ORC3: variants seen among roughly 807,000 people sequenced by gnomAD.
The protein encoded by ORC3 is homolog of latheo, Drosophila.
A neutral mutation model predicts 100.7 loss-of-function variants in ORC3; 78 were observed. The ratio of observed to expected loss-of-function variants is 0.77; its 90% confidence interval spans 0.65 to 0.94. The LOEUF is 0.94. Ranked by LOEUF, ORC3 falls within the 40% of genes least tolerant of loss-of-function variation. The probability of loss-of-function intolerance (pLI) is 0.00; values close to 1 mark genes in which losing one functional copy is unlikely to be tolerated. For synonymous variants in ORC3, 295 were observed against 289.3 expected (o/e 1.02, Z -0.20); for missense variants, 789 against 823.9 (o/e 0.96, Z 0.52).
At chr6:87,612,672 C>T (rs1005130199) in intron 8 of ORC3, among the ~76,000 whole-genome samples, 6 of 152,076 alleles carry the variant, frequency 3.9e-5, no homozygotes, top group Admixed American at 1.3e-4. Flanking sequence ...AGTGCAGTGA[C>T]GAAATCTTGG....
intron 8 of ORC3, among the ~76,000 whole-genome samples, chr6:87,614,708 C>T (rs771146865): frequency 1.8e-4 from 28 of 152,164 alleles, no homozygotes; most frequent in Non-Finnish European, 2.9e-4. Context: ...GGCAAAATGC[C>T]GCCAGTCTCT....
At chr6:87,636,008 A>G (rs1767793429) in intron 12 of ORC3, among the ~76,000 whole-genome samples, 2 of 149,942 alleles carry the variant, frequency 1.3e-5, no homozygotes, top group South Asian at 4.3e-4. Flanking sequence ...GCAGTGGCGC[A>G]ATCTCGGCTC....
At chr6:87,640,859 G>A (rs1043989558) in intron 13 of ORC3, among the ~76,000 whole-genome samples, 1 of 152,148 alleles carries the variant, frequency 6.6e-6, no homozygotes, top group African/African-American at 2.4e-5. Flanking sequence ...CAACGCTTTG[G>A]GAGGCCAAGG....
At position 87,665,779 on chromosome 6, in the gene ORC3, C is replaced by A. The variant is rs1485717897; in HGVS notation, c.1976C>A (p.Ala659Asp). The change falls in exon 19 of 20, where the codon GCT becomes GAT. Residue 659 changes from alanine (A) to aspartate (D), a missense_variant. By Grantham distance (126) the Ala-to-Asp change is moderately radical (BLOSUM62 -2). Coordinates refer to ENST00000392844, the MANE Select transcript of ORC3 (RefSeq NM_012381.4). ...SEAFATVVTA[A>D]EKMDANSATS... ...GCTTTTGCAACAGTTGTGACAGCTG[C>A]TGAAAAAATGGATGCAAATTCTGCA... is the stretch of plus-strand genomic sequence containing the variant. The A allele has an allele frequency of 6.2e-7, 1 of 1,612,020 alleles. No individual in the cohort carries two copies. Among genetic ancestry groups the A allele is most frequent in the Non-Finnish European group, 8.5e-7 (1 of 1,178,516 alleles).
intron 13 of ORC3, among the ~76,000 whole-genome samples, chr6:87,637,474 CTT>C (rs143974120): frequency 6.6e-6 from 1 of 151,058 alleles, no homozygotes; most frequent in Non-Finnish European, 1.5e-5. Context: ...CTTTTTTCTT[CTT>C]TTTTTTTACC....
chr6:87,663,570 C>G (rs1386018266), intron 17 of ORC3, among the ~76,000 whole-genome samples: 1 of 152,220 alleles, frequency 6.6e-6, no homozygotes, highest in East Asian at 1.9e-4. Flanking sequence ...GGGACTTCAT[C>G]TTGGATTTTA....
intron 10 of ORC3, 112 bp from the exon 11 acceptor site, chr6:87,621,838 A>G: frequency 1.4e-6 from 1 of 716,654 alleles, no homozygotes; most frequent in Non-Finnish European, 2.4e-6. Context: ...TTTTGTGAAG[A>G]AATGAAAAAA....
At chr6:87,626,936 A>G (rs1165284164) in intron 11 of ORC3, among the ~76,000 whole-genome samples, 1 of 152,048 alleles carries the variant, frequency 6.6e-6, no homozygotes, top group Non-Finnish European at 1.5e-5. Flanking sequence ...CTTGTTATAT[A>G]TTTTTCACTC....
At position 87,606,089 on chromosome 6, in the gene ORC3, T is replaced by A. The variant is rs2307388; in HGVS notation, c.427+68T>A. ...GACTTCTTTCATCCTTTTCTCTCTTTTTCAGGCTTTCTTTATCCCTTTTTT... is the reference window on the plus strand; with the variant it reads ...GACTTCTTTCATCCTTTTCTCTCTTATTCAGGCTTTCTTTATCCCTTTTTT... On this transcript the variant is annotated intron_variant, in intron 5 of 19. Transcript: ENST00000392844. 3.4e-4 allele frequency: 313 copies of A among 907,636 alleles called. 1 individual carries two copies. The African/African-American group carries it at 4.1e-3, about 12-fold the overall frequency. The allele number at this position is 907,636 out of a possible 1,614,324, so 56.2% of individuals were successfully genotyped here.
At chr6:87,669,118 T>C (rs1485629483), downstream of ORC3, among the ~76,000 whole-genome samples, 1 of 152,166 alleles carries the variant, frequency 6.6e-6, no homozygotes, top group East Asian at 1.9e-4. Flanking sequence ...GATTACACCA[T>C]TGCACTCCAG....
intron 18 of ORC3, 32 bp downstream of exon 18, chr6:87,664,891 T>G (rs746943231): frequency 7.6e-7 from 1 of 1,315,744 alleles, no homozygotes. Context: ...AAGCTAGATA[T>G]TTTTCTAACC....
intron 11 of ORC3, among the ~76,000 whole-genome samples, chr6:87,625,331 A>G (rs34941612): frequency 0.032 from 4,816 of 152,212 alleles, 100 homozygotes; most frequent in Middle Eastern, 0.054. Flanking sequence ...AAGTGTTCCT[A>G]TTTCTCCACA....
rs1467852142 is a variant in ORC3 at position 87,603,488 on chromosome 6, A to T, written c.282A>T (p.Gln94His). ...FQKNSRDLGG[Q>H]IKLREIPTAA... ...AGAATTCAAGAGACTTGGGCGGTCA[A>T]ATAAAACTCAGAGAAATTCCAACTG... The change falls in exon 4 of 20, where the codon CAA becomes CAT. Residue 94 changes from glutamine (Q) to histidine (H), a missense_variant. Physicochemically the swap from Gln to His is conservative, Grantham distance 24. Transcript: ENST00000392844. The T allele has an allele frequency of 6.5e-7, 1 of 1,527,346 alleles. No individual in the cohort carries two copies. The highest frequency in any genetic ancestry group is 1.7e-5 in the Admixed American group (1 of 59,184). The allele number at this position is 1,527,346 out of a possible 1,614,324, so 94.6% of individuals were successfully genotyped here.
intron 18 of ORC3, among the ~76,000 whole-genome samples, chr6:87,665,131 A>T (rs958586960): frequency 6.6e-6 from 1 of 152,220 alleles, no homozygotes; most frequent in Admixed American, 6.5e-5. Context: ...TATGTGATCT[A>T]ACCCAATAGT....
At chr6:87,675,512 A>T in the ORC3 span, 2 of 1,541,924 alleles carry the variant, frequency 1.3e-6, no homozygotes, top group African/African-American at 1.4e-5. Flanking sequence ...CAGAAGGGGT[A>T]TTGGCATTGC....
At chr6:87,606,965 TA>T (rs1423803423) in intron 5 of ORC3, among the ~76,000 whole-genome samples, 1 of 152,218 alleles carries the variant, frequency 6.6e-6, no homozygotes, top group African/African-American at 2.4e-5. Flanking sequence ...AAGGCATCTT[TA>T]AAAATGGCTA....
chr6:87,610,881 A>G (rs1007598264), intron 7 of ORC3, among the ~76,000 whole-genome samples: 4 of 148,834 alleles, frequency 2.7e-5, no homozygotes, highest in Non-Finnish European at 5.9e-5. Flanking sequence ...TTCTACTTTG[A>G]TAGGATCTTT....
At chr6:87,652,293 TAATA>T (rs922597804) in intron 13 of ORC3, among the ~76,000 whole-genome samples, 3 of 152,242 alleles carry the variant, frequency 2.0e-5, no homozygotes, top group Non-Finnish European at 4.4e-5. Context: ...TAAAAATTCC[TAATA>T]TTGGTCTGAT....
chr6:87,645,500 AT>A (rs1413667256), intron 13 of ORC3, among the ~76,000 whole-genome samples: 2 of 151,916 alleles, frequency 1.3e-5, no homozygotes, highest in Non-Finnish European at 2.9e-5. Flanking sequence ...GCTTTTTATT[AT>A]TTTTACATGC....
Sources: gnomAD v4.1 joint callset for allele counts (sites outside exome capture counted in the v4.1 genomes callset) on GRCh38, gnomAD v4.1.1 for gene constraint, MANE v1.5 for transcripts, NCBI Gene and HGNC (gene_info 2026-07-23, HGNC 2026-07-21) for gene names.